Variants in IGF1R observed in about 807,000 individuals in gnomAD.
The protein encoded by IGF1R is insulin-like growth factor 1 receptor.
Under a neutral mutation model 144.6 loss-of-function variants are expected in IGF1R, and 44 were observed. The ratio of observed to expected loss-of-function variants is 0.30; its 90% CI spans 0.24 to 0.39. IGF1R has a LOEUF of 0.39. Ranked by LOEUF, IGF1R falls within the 10% of genes least tolerant of loss-of-function variation. The pLI is 1.00. For missense variants in IGF1R, 1,355 were observed against 1,833.7 expected (o/e 0.74, Z 4.77); for synonymous variants, 795 against 722.8 (o/e 1.10, Z -1.60).
At position 98,913,165 on chromosome 15, in the gene IGF1R, C is replaced by A. The variant is rs780586110; in HGVS notation, c.1711C>A (p.Leu571Met). 6.2e-7 allele frequency: 1 copy of A among 1,614,230 alleles called. No homozygotes were observed. Among genetic ancestry groups the A allele is most frequent in the Non-Finnish European group, 8.5e-7 (1 of 1,180,040 alleles). The stretch of plus-strand genomic sequence containing the variant: ...GGAGCCCGGCATCTTACTACATGGG[C>A]TGAAGCCCTGGACTCAGTACGCCGT... ...DVEPGILLHGLKPWTQYAVYV... is the reference protein window; with the variant it reads ...DVEPGILLHGMKPWTQYAVYV... Residue 571 changes from leucine (L) to methionine (M), a missense_variant, in exon 8 of 21, where the codon CTG becomes ATG. Physicochemically the swap from Leu to Met is conservative, Grantham distance 15. Transcript: ENST00000650285.
At chr15:98,671,283 A>G (rs138242327) in intron 1 of IGF1R, among the ~76,000 whole-genome samples, 11 of 152,268 alleles carry the variant, frequency 7.2e-5, no homozygotes, top group African/African-American at 2.4e-4. Context: ...TTTTTAATCA[A>G]CTGCAGGGTG....
chr15:98,929,441 A>T lies in IGF1R; in HGVS notation c.2783-117A>T, dbSNP rs2015854334. 5.1e-6 allele frequency: 4 copies of T among 786,404 alleles called. No individual in the cohort carries two copies. In the Admixed American group the frequency reaches 5.3e-5, roughly 11 times the overall value. The allele number at this position is 786,404 out of a possible 1,614,324, so 48.7% of individuals were successfully genotyped here. ...TACCTTCAGGAATTCTTACTGTATGATGGGGAGTAAACGAATATACAGGTA... is the reference window on the plus strand; with the variant it reads ...TACCTTCAGGAATTCTTACTGTATGTTGGGGAGTAAACGAATATACAGGTA... On this transcript the variant is annotated intron_variant, in intron 13 of 20. Coordinates refer to ENST00000650285, the MANE Select transcript of IGF1R (RefSeq NM_000875.5).
intron 1 of IGF1R, among the ~76,000 whole-genome samples, chr15:98,655,152 A>G (rs1189376350): frequency 6.6e-6 from 1 of 152,066 alleles, no homozygotes; most frequent in Admixed American, 6.6e-5. Context: ...TGAGGAAGGA[A>G]CATATATTTG....
At chr15:98,943,167 AG>A in intron 19 of IGF1R, 115 bp downstream of exon 19, 1 of 1,241,558 alleles carries the variant, frequency 8.1e-7, no homozygotes, top group Non-Finnish European at 1.2e-6. Context: ...TGCCAGCTTT[AG>A]CTCAGTGTTG....
rs1286554922 is a variant in IGF1R, at chr15:98,958,848, G to A, written c.*1406G>A. The A allele has an allele frequency of 2.1e-5, 5 of 233,210 alleles. No individual in the cohort carries two copies. The highest frequency in any genetic ancestry group is 1.2e-4 in the East Asian group (2 of 16,570). The allele number at this position is 233,210 out of a possible 1,614,324, so 14.4% of individuals were successfully genotyped here. ...TGCGTGACTTTCTTCCTCTTTTCCC[G>A]GTAATGGATACTTCTATCACATAAT... On this transcript the variant is annotated 3_prime_UTR_variant, in exon 21 of 21. Transcript: ENST00000650285.
At chr15:98,787,310 G>A (rs1027499145) in intron 2 of IGF1R, among the ~76,000 whole-genome samples, 5 of 152,220 alleles carry the variant, frequency 3.3e-5, no homozygotes, top group African/African-American at 4.8e-5. Flanking sequence ...GGCATGGATA[G>A]AAAGTGCCCC....
chr15:98,768,354 C>T (rs549125749), intron 2 of IGF1R, among the ~76,000 whole-genome samples: 39 of 152,246 alleles, frequency 2.6e-4, no homozygotes, highest in South Asian at 1.4e-3. Context: ...CGGTGGCTTA[C>T]GCCTATAATC....
At chr15:98,918,243 G>A (rs74032105) in intron 10 of IGF1R, among the ~76,000 whole-genome samples, 8,307 of 152,056 alleles carry the variant, frequency 0.055, 733 homozygotes, top group African/African-American at 0.19. Context: ...CTGCCCATCC[G>A]CAGTCCCCAC....
At chr15:98,823,929 T>C (rs1292620123) in intron 2 of IGF1R, among the ~76,000 whole-genome samples, 1 of 152,230 alleles carries the variant, frequency 6.6e-6, no homozygotes, top group East Asian at 1.9e-4. Flanking sequence ...AAAAAAAGAC[T>C]AGACATCCTA....
chr15:98,823,302 T>G (rs569625802), intron 2 of IGF1R, among the ~76,000 whole-genome samples: 23 of 152,362 alleles, frequency 1.5e-4, no homozygotes, highest in African/African-American at 5.5e-4. Context: ...CATGAAGTGA[T>G]GTCACTCTGA....
chr15:98,662,875 G>A (rs77493520), intron 1 of IGF1R, among the ~76,000 whole-genome samples: 2,755 of 152,220 alleles, frequency 0.018, 92 homozygotes, highest in African/African-American at 0.064. Context: ...GTCAGAATCC[G>A]GTGTTTGTGT....
chr15:98,755,498 T>G (rs2055126188), intron 2 of IGF1R, among the ~76,000 whole-genome samples: 1 of 151,980 alleles, frequency 6.6e-6, no homozygotes, highest in South Asian at 2.1e-4. Context: ...CCCGGCAATT[T>G]GGGAGGCTGA....
At chr15:98,686,371 A>G (rs1018204119) in intron 1 of IGF1R, among the ~76,000 whole-genome samples, 1 of 152,228 alleles carries the variant, frequency 6.6e-6, no homozygotes, top group Non-Finnish European at 1.5e-5. Flanking sequence ...GAATAATATG[A>G]CTGTGATCAT....
At chr15:98,797,377 A>G (rs1314271350) in intron 2 of IGF1R, among the ~76,000 whole-genome samples, 1 of 152,236 alleles carries the variant, frequency 6.6e-6, no homozygotes, top group African/African-American at 2.4e-5. Context: ...GTGTTTGGAC[A>G]GTGAGCATGG....
chr15:98,941,762 T>C (rs2151717420), intron 18 of IGF1R, among the ~76,000 whole-genome samples: 1 of 152,342 alleles, frequency 6.6e-6, no homozygotes, highest in South Asian at 2.1e-4. Flanking sequence ...TCCAAGGAAC[T>C]TTGTTCTCTT....
Position 98,888,161 on chromosome 15 carries a change from C to T in IGF1R, c.641-3164C>T, listed in dbSNP as rs74034280. 9.7e-3 allele frequency among the ~76,000 whole-genome samples: 1,471 copies of T among 152,344 alleles called. 20 individuals are homozygous for T. Among genetic ancestry groups the T allele is most frequent in the African/African-American group, 0.033 (1,356 of 41,590 alleles). On this transcript the variant is annotated intron_variant, in intron 2 of 20. Transcript: ENST00000650285. ...AAACACCAGGCAGCTCCACTCACTC[C>T]CGTACTTGCTGTGTCGTCCGTTCCC...
chr15:98,852,551 G>C (rs947808885), intron 2 of IGF1R, among the ~76,000 whole-genome samples: 2 of 152,182 alleles, frequency 1.3e-5, no homozygotes, highest in African/African-American at 2.4e-5. Flanking sequence ...TTAGGGAGGC[G>C]ATCACCAGAG....
rs2017305850 is a variant in IGF1R, at chr15:98,963,443, C to T, written c.*6001C>T. On this transcript the variant is annotated 3_prime_UTR_variant, in exon 21 of 21. Coordinates refer to ENST00000650285, the MANE Select transcript of IGF1R (RefSeq NM_000875.5). ...GGGGATCATTTTTTACTGGTCATTT[C>T]CCTTTGGAGTGTAGCTACTTTAACA... 4.3e-6 allele frequency: 1 copy of T among 233,090 alleles called. No individual in the cohort carries two copies. Among genetic ancestry groups the T allele is most frequent in the Non-Finnish European group, 8.5e-6 (1 of 118,050 alleles). The allele number at this position is 233,090 out of a possible 1,614,324, so 14.4% of individuals were successfully genotyped here.
intron 7 of IGF1R, among the ~76,000 whole-genome samples, chr15:98,912,117 A>G (rs761727232): frequency 2.6e-5 from 4 of 151,778 alleles, no homozygotes; most frequent in Admixed American, 6.6e-5. Context: ...TTTGCCTTCT[A>G]TATCCAGGTG....
Sources: allele counts gnomAD v4.1 joint callset (sites outside exome capture counted in the v4.1 genomes callset), GRCh38; gene constraint gnomAD v4.1.1; transcripts MANE v1.5; gene names NCBI Gene and HGNC (gene_info 2026-07-23, HGNC 2026-07-21).